Variants in NCKAP1 observed in about 807,000 individuals in gnomAD.
The protein encoded by NCKAP1 is nck-associated protein 1.
In NCKAP1, 21 loss-of-function variants were observed where a neutral mutation model predicts 151.2. That is an observed-to-expected ratio of 0.14 (90% CI 0.10 to 0.20). The LOEUF (loss-of-function observed/expected upper bound fraction) is 0.20. Ranked by LOEUF, NCKAP1 falls within the 10% of genes least tolerant of loss-of-function variation. The pLI is 1.00. For missense variants in NCKAP1, 933 were observed against 1,352.1 expected (o/e 0.69, Z 4.86); for synonymous variants, 484 against 451.8 (o/e 1.07, Z -0.90).
rs1696570189 is a variant in NCKAP1 at position 182,922,626 on chromosome 2, T to A, written c.*3076A>T. ...ACGTACCAGCTCAAATGTTTTCTCT[T>A]ACACAGATGACACTTTCTTCTAACA... On this transcript the variant is annotated 3_prime_UTR_variant, in exon 31 of 31. Transcript: ENST00000361354. 6.6e-6 allele frequency: 1 copy of A among 152,296 alleles called. No homozygotes were observed. Among genetic ancestry groups the A allele is most frequent in the South Asian group, 2.1e-4 (1 of 4,838 alleles). The allele number at this position is 152,296 out of a possible 1,614,324, so 9.4% of individuals were successfully genotyped here.
chr2:182,958,848 C>T (rs1428408410), intron 18 of NCKAP1, among the ~76,000 whole-genome samples: 1 of 152,162 alleles, frequency 6.6e-6, no homozygotes, highest in African/African-American at 2.4e-5. Context: ...ACAGTAGCCA[C>T]ATGTGAAATG....
rs5836857 is a variant in NCKAP1, at chr2:182,910,948, G to GCAACCCCCC, written c.*14753_*14754insGGGGGGTTG. 8.5e-6 allele frequency: 1 copy of GCAACCCCCC among 117,816 alleles called. No individual in the cohort carries two copies. The highest frequency in any genetic ancestry group is 1.8e-5 in the Non-Finnish European group (1 of 56,332). 7.3% of individuals were successfully genotyped at this position (117,816 alleles called of 1,614,324 possible). ...CTTGGAAATAAAAATAAAATCCTAAGCTCCCCCCCCACATTTGACTAAACA... is the reference window on the plus strand; with the variant it reads ...CTTGGAAATAAAAATAAAATCCTAAGCAACCCCCCCTCCCCCCCCACATTTGACTAAACA... On this transcript the variant is annotated 3_prime_UTR_variant, in exon 31 of 31. Transcript: ENST00000361354.
Position 182,913,974 on chromosome 2 carries a change from C to G in NCKAP1, c.*11728G>C, listed in dbSNP as rs1024561124. 1 of 152,256 alleles carries G rather than the reference C, an allele frequency of 6.6e-6. No homozygotes were observed. The highest frequency in any genetic ancestry group is 2.4e-5 in the African/African-American group (1 of 41,434). The allele number at this position is 152,256 out of a possible 1,614,324, so 9.4% of individuals were successfully genotyped here. The stretch of plus-strand genomic sequence containing the variant: ...TCTTGGTTCTAACTTAGTGAGAAAA[C>G]TCTGATAAGAACCCACCATTTACAA... On this transcript the variant is annotated 3_prime_UTR_variant, in exon 31 of 31. Transcript: ENST00000361354.
rs781141456 is a variant in NCKAP1 at position 182,952,908 on chromosome 2, C to G, written c.2388G>C (p.Leu796Phe). 1 of 1,610,290 alleles carries G rather than the reference C, an allele frequency of 6.2e-7. No individual in the cohort carries two copies. The highest frequency in any genetic ancestry group is 8.5e-7 in the Non-Finnish European group (1 of 1,178,896). The change falls in exon 22 of 31, where the codon TTG becomes TTC. Residue 796 changes from leucine to phenylalanine, a missense_variant. Coordinates refer to ENST00000361354, the MANE Select transcript of NCKAP1 (RefSeq NM_013436.5). The stretch of plus-strand genomic sequence containing the variant: ...TATGGCCATTGCTGACTTGTCGTAA[C>G]AAAGTTTCCAAATACCTAAGGAGAA... ...SLYTNWYLET[L>F]LRQVSNGHIA... is the part of the protein sequence containing the mutation.
intron 26 of NCKAP1, among the ~76,000 whole-genome samples, chr2:182,932,233 T>C (rs780971004): frequency 2.0e-5 from 3 of 152,162 alleles, no homozygotes; most frequent in Non-Finnish European, 4.4e-5. Flanking sequence ...TGTCCATCAA[T>C]TGATGTGAAT....
intron 2 of NCKAP1, among the ~76,000 whole-genome samples, chr2:183,004,488 C>CAAAAAAAAAAAAAAAAAAAAAAAAA (rs34055584): frequency 1.3e-5 from 1 of 78,822 alleles, no homozygotes. Context: ...AAACAGCAAG[C>CAAAAAAAAAAAAAAAAAAAAAAAAA]AAAAAAAAAA....
intron 6 of NCKAP1, among the ~76,000 whole-genome samples, chr2:183,001,627 A>C (rs1698376175): frequency 6.6e-6 from 1 of 152,214 alleles, no homozygotes; most frequent in South Asian, 2.1e-4. Context: ...GACAAATATT[A>C]TACTATAATT....
At chr2:182,962,019 T>C (rs1697464125) in intron 18 of NCKAP1, 140 bp downstream of exon 18, 3 of 797,868 alleles carry the variant, frequency 3.8e-6, no homozygotes, top group Non-Finnish European at 3.8e-6. Flanking sequence ...TACCTGTTAA[T>C]GGAGTTTCAC....
At chr2:183,037,915 C>A (rs975628292) in intron 1 of NCKAP1, 77 bp downstream of exon 1, 9 of 1,160,288 alleles carry the variant, frequency 7.8e-6, no homozygotes, top group East Asian at 3.1e-5. Flanking sequence ...CTGCCGCCCC[C>A]ACCCCACGGC....
At chr2:182,979,941 C>A (rs1263494851) in intron 13 of NCKAP1, among the ~76,000 whole-genome samples, 4 of 152,048 alleles carry the variant, frequency 2.6e-5, no homozygotes, top group Non-Finnish European at 1.5e-5. Flanking sequence ...TTACTAATAT[C>A]AGTATGATTG....
intron 8 of NCKAP1, 116 bp from the exon 9 acceptor site, chr2:182,989,302 CTGAG>C (rs1428432232): frequency 1.4e-6 from 1 of 716,120 alleles, no homozygotes; most frequent in Non-Finnish European, 2.3e-6. Flanking sequence ...ATTGAGGCTT[CTGAG>C]TGACAGTAAC....
chr2:182,953,298 G>C lies in NCKAP1; in HGVS notation c.2187C>G (p.Ala729=). 10 of 1,613,380 alleles carry C rather than the reference G, an allele frequency of 6.2e-6. No individual in the cohort carries two copies. The highest frequency in any genetic ancestry group is 8.5e-6 in the Non-Finnish European group (10 of 1,179,556). ...SIVGMTMYNQ[A]TQEIAKPSEL... Reference sequence around the variant, plus strand: ...CTGAAGGTTTTGCAATTTCCTGTGTGGCTTGATTATACATAGTCATCCCAA... The same window carrying C: ...CTGAAGGTTTTGCAATTTCCTGTGTCGCTTGATTATACATAGTCATCCCAA... The change falls in exon 21 of 31, where the codon GCC becomes GCG. Residue 729 remains alanine (A), a synonymous_variant. Transcript: ENST00000361354.
At chr2:182,969,820 A>G (rs540424250) in intron 15 of NCKAP1, among the ~76,000 whole-genome samples, 2 of 152,186 alleles carry the variant, frequency 1.3e-5, no homozygotes, top group African/African-American at 4.8e-5. Flanking sequence ...AATTCAGACT[A>G]AAAAGAATAC....
At chr2:182,951,083 C>T (rs1410234096) in intron 23 of NCKAP1, among the ~76,000 whole-genome samples, 2 of 151,872 alleles carry the variant, frequency 1.3e-5, no homozygotes, top group East Asian at 3.9e-4. Context: ...TCCCCCACCT[C>T]GGCCTCCCAA....
chr2:182,938,101 C>T (rs1405952299), intron 24 of NCKAP1, among the ~76,000 whole-genome samples: 1 of 152,228 alleles, frequency 6.6e-6, no homozygotes, highest in African/African-American at 2.4e-5. Flanking sequence ...CAATAATTTA[C>T]ATGCTTAACA....
At chr2:183,024,060 TCA>T (rs1698843807) in intron 1 of NCKAP1, 144 bp from the exon 2 acceptor site, 4 of 633,014 alleles carry the variant, frequency 6.3e-6, no homozygotes, top group Non-Finnish European at 8.3e-6. Flanking sequence ...GCAGGGATTG[TCA>T]CAGCTGAAAT....
intron 1 of NCKAP1, among the ~76,000 whole-genome samples, chr2:183,032,528 T>C (rs1422751327): frequency 6.6e-6 from 1 of 152,110 alleles, no homozygotes; most frequent in African/African-American, 2.4e-5. Flanking sequence ...CTGCAGGCAA[T>C]TGCAACATAA....
At chr2:182,994,962 C>T (rs970084168) in intron 7 of NCKAP1, 75 bp from the exon 8 acceptor site, 3 of 1,182,102 alleles carry the variant, frequency 2.5e-6, no homozygotes, top group Non-Finnish European at 3.7e-6. Flanking sequence ...ACTCTCCTCC[C>T]TTTCTCCTGA....
At chr2:182,967,429 G>A (rs1009494794) in intron 15 of NCKAP1, 68 bp from the exon 16 acceptor site, 14 of 1,366,908 alleles carry the variant, frequency 1.0e-5, no homozygotes, top group Non-Finnish European at 1.4e-5. Context: ...TCATTTTACA[G>A]GGGGAAAAGC....
Sources: allele counts gnomAD v4.1 joint callset (sites outside exome capture counted in the v4.1 genomes callset), GRCh38; gene constraint gnomAD v4.1.1; transcripts MANE v1.5; gene names NCBI Gene and HGNC (gene_info 2026-07-23, HGNC 2026-07-21).